Variants in ARHGEF4 observed in about 807,000 individuals in gnomAD.
ARHGEF4 encodes the protein Rho guanine nucleotide exchange factor 4.
A neutral mutation model predicts 162.0 loss-of-function variants in ARHGEF4; 119 were observed. The ratio of observed to expected loss-of-function variants is 0.73; its 90% CI spans 0.63 to 0.86. The LOEUF (loss-of-function observed/expected upper bound fraction) is 0.86, where lower values mean the gene tolerates loss of function less well. Among genes scored for constraint, ARHGEF4 ranks in the 40% least tolerant of loss-of-function variants. The pLI, the probability that ARHGEF4 is intolerant of heterozygous loss-of-function variation, is 0.00. For synonymous variants in ARHGEF4, 1,014 were observed against 979.9 expected (o/e 1.03, Z -0.65); for missense variants, 2,488 against 2,456.0 (o/e 1.01, Z -0.28).
chr2:130,894,133 T>C (rs1680020574), intron 1 of ARHGEF4, among the ~76,000 whole-genome samples: 1 of 152,212 alleles, frequency 6.6e-6, no homozygotes, highest in Admixed American at 6.5e-5. Context: ...GTGGTGGACA[T>C]AGCCCCAGTT....
At chr2:131,036,114 T>A (rs1690257195) in intron 5 of ARHGEF4, among the ~76,000 whole-genome samples, 1 of 152,238 alleles carries the variant, frequency 6.6e-6, no homozygotes, top group South Asian at 2.1e-4. Flanking sequence ...TGGGCCTGCC[T>A]GGCTTGTGTC....
At chr2:130,939,700 T>C (rs1683175652) in intron 3 of ARHGEF4, among the ~76,000 whole-genome samples, 1 of 152,252 alleles carries the variant, frequency 6.6e-6, no homozygotes, top group Non-Finnish European at 1.5e-5. Flanking sequence ...TTCATTATGT[T>C]TTGTCTCCCA....
chr2:131,035,694 C>G, intron 5 of ARHGEF4: 1 of 985,884 alleles, frequency 1.0e-6, no homozygotes, highest in Non-Finnish European at 1.2e-6. Context: ...AGTTGTTTTT[C>G]CCGTTTTAGG....
intron 1 of ARHGEF4, among the ~76,000 whole-genome samples, chr2:130,900,706 CTCAT>C (rs921542846): frequency 1.1e-4 from 16 of 152,096 alleles, no homozygotes; most frequent in Admixed American, 3.9e-4. Flanking sequence ...ATTGTTTTCT[CTCAT>C]TCAGGTTGTG....
intron 4 of ARHGEF4, among the ~76,000 whole-genome samples, chr2:131,015,718 C>T (rs1162528786): frequency 1.3e-5 from 2 of 152,236 alleles, no homozygotes; most frequent in Admixed American, 1.3e-4. Context: ...AAAACCCCAT[C>T]TCTACTAAAA....
At chr2:130,909,756 G>A (rs181023182) in intron 1 of ARHGEF4, among the ~76,000 whole-genome samples, 395 of 152,310 alleles carry the variant, frequency 2.6e-3, no homozygotes, top group Middle Eastern at 6.8e-3. Flanking sequence ...TCAGGGCTGG[G>A]CGGGGTGGCA....
intron 4 of ARHGEF4, among the ~76,000 whole-genome samples, chr2:130,995,686 G>T (rs766052246): frequency 1.8e-4 from 28 of 152,062 alleles, no homozygotes; most frequent in Non-Finnish European, 2.1e-4. Flanking sequence ...AGCAATTAAG[G>T]TTACTTCGGT....
At chr2:130,889,358 T>C (rs556913631) in intron 1 of ARHGEF4, among the ~76,000 whole-genome samples, 63 of 152,208 alleles carry the variant, frequency 4.1e-4, no homozygotes, top group African/African-American at 1.4e-3. Context: ...TTATTTTATA[T>C]AGCCCATGTG....
At chr2:130,856,919 G>A (rs953875779) in intron 1 of ARHGEF4, among the ~76,000 whole-genome samples, 2 of 152,084 alleles carry the variant, frequency 1.3e-5, no homozygotes, top group East Asian at 1.9e-4. Flanking sequence ...TGAAGAGAAT[G>A]GGAAATTTAA....
chr2:130,933,461 A>G (rs999403389), intron 3 of ARHGEF4, among the ~76,000 whole-genome samples: 5 of 152,210 alleles, frequency 3.3e-5, no homozygotes, highest in African/African-American at 1.2e-4. Flanking sequence ...GCAAAAAAAT[A>G]AAGGCCCTTG....
In ARHGEF4 at chr2:131,043,836, G is replaced by C. The variant is rs758930720; in HGVS notation, c.5157+253G>C. On this transcript the variant is annotated intron_variant, in intron 11 of 13. Coordinates refer to ENST00000409359, the MANE Select transcript of ARHGEF4 (RefSeq NM_001367493.1). ...ATCTTTCCTGACCTGGCCGCTGCTT[G>C]CTCCTCAAGCTACCTCTTCTCTCCC... 2.6e-5 allele frequency among the ~76,000 whole-genome samples: 4 copies of C among 152,164 alleles called. No homozygotes were observed. The South Asian group carries it at 8.3e-4, about 31-fold the overall frequency.
intron 4 of ARHGEF4, among the ~76,000 whole-genome samples, chr2:131,015,346 T>C (rs1398530676): frequency 2.0e-5 from 3 of 152,228 alleles, no homozygotes; most frequent in East Asian, 1.9e-4. Context: ...GATGACTAAA[T>C]GTAGTATTGG....
chr2:130,939,039 G>A (rs1049168189), intron 3 of ARHGEF4, among the ~76,000 whole-genome samples: 7 of 152,128 alleles, frequency 4.6e-5, no homozygotes, highest in Non-Finnish European at 7.4e-5. Context: ...TAGTTTTTCA[G>A]TCCTCACCCT....
At chr2:130,844,863 C>A (rs1438125852) in intron 1 of ARHGEF4, among the ~76,000 whole-genome samples, 1 of 151,938 alleles carries the variant, frequency 6.6e-6, no homozygotes, top group Non-Finnish European at 1.5e-5. Context: ...ATACTCTTGT[C>A]ACCCAGGCTG....
Position 130,906,735 on chromosome 2 carries a change from C to A in ARHGEF4, c.40-7251C>A, listed in dbSNP as rs145721954. ...TGTCTTTAGCCTCTCAGTATCCAGT[C>A]GACACGTCATTCTCTAAAGTTCCTT... On this transcript the variant is annotated intron_variant, in intron 1 of 13. Transcript: ENST00000409359. 2.8e-3 allele frequency among the ~76,000 whole-genome samples: 425 copies of A among 152,278 alleles called. 7 individuals carry two copies. Among genetic ancestry groups the A allele is most frequent in the African/African-American group, 9.4e-3 (392 of 41,546 alleles).
chr2:130,931,360 T>A, intron 3 of ARHGEF4, 103 bp downstream of exon 3: 2 of 1,288,060 alleles, frequency 1.6e-6, no homozygotes, highest in Non-Finnish European at 2.1e-6. Context: ...TCCTGAGATG[T>A]AACTTGTCAC....
At position 130,981,136 on chromosome 2, in the gene ARHGEF4, A is replaced by G. The variant is rs1343449204; in HGVS notation, c.3985+34501A>G. Among the ~76,000 whole-genome samples, 4 of 152,304 alleles carry G rather than the reference A, an allele frequency of 2.6e-5. No homozygotes were observed. The East Asian group carries it at 7.7e-4, about 29-fold the overall frequency. ...CTCTCATAGCTCTGTAGATCATTAG[A>G]GGCAAGCAAATCCAACCAAATTTCA... On this transcript the variant is annotated intron_variant, in intron 4 of 13. Coordinates refer to ENST00000409359, the MANE Select transcript of ARHGEF4 (RefSeq NM_001367493.1).
chr2:130,882,394 A>G (rs1679250320), intron 1 of ARHGEF4, among the ~76,000 whole-genome samples: 1 of 152,026 alleles, frequency 6.6e-6, no homozygotes, highest in African/African-American at 2.4e-5. Context: ...GTCAGGTTCC[A>G]GGGAGGGCTC....
intron 1 of ARHGEF4, among the ~76,000 whole-genome samples, chr2:130,865,723 T>C (rs971749094): frequency 4.6e-5 from 7 of 152,170 alleles, no homozygotes; most frequent in Admixed American, 4.6e-4. Flanking sequence ...TTTGTTTGTT[T>C]GTTTGTTTTG....
Sources: gnomAD v4.1 joint callset for allele counts (sites outside exome capture counted in the v4.1 genomes callset) on GRCh38, gnomAD v4.1.1 for gene constraint, MANE v1.5 for transcripts, NCBI Gene and HGNC (gene_info 2026-07-23, HGNC 2026-07-21) for gene names.